The following TRPM5 variants were observed in gnomAD, a reference collection of about 807,000 sequenced individuals.
The protein encoded by TRPM5 is MLSN1 and TRP-related.
TRPM5 carries 121 observed loss-of-function variants against 124.9 expected under a neutral mutation model. The ratio of observed to expected loss-of-function variants is 0.97; its 90% confidence interval spans 0.84 to 1.13. The LOEUF is 1.13. TRPM5 is among the 50% of genes most tolerant of loss of function. The pLI, the probability that TRPM5 is intolerant of heterozygous loss-of-function variation, is 0.00. For missense variants in TRPM5, 1,643 were observed against 1,589.1 expected, an observed-to-expected ratio of 1.03 and a Z score of -0.58; for synonymous variants, 781 against 700.5, an observed-to-expected ratio of 1.11 and a Z score of -1.81.
intron 4 of TRPM5, among the ~76,000 whole-genome samples, chr11:2,419,329 C>T (rs547492276): frequency 6.6e-6 from 1 of 152,206 alleles, no homozygotes; most frequent in Non-Finnish European, 1.5e-5. Context: ...CTCAGTTGAC[C>T]GGGCACAGTG....
chr11:2,425,462 TTC>T (rs550956752), upstream of TRPM5, among the ~76,000 whole-genome samples: 14,894 of 152,186 alleles, frequency 0.098, 839 homozygotes, highest in South Asian at 0.17. Context: ...CCAGCGTGGC[TTC>T]ATCTTCATGG....
chr11:2,409,958 T>C (rs143506773), intron 18 of TRPM5, among the ~76,000 whole-genome samples: 1 of 152,142 alleles, frequency 6.6e-6, no homozygotes, highest in Admixed American at 6.5e-5. Flanking sequence ...TCGCTGAGAC[T>C]GGCCCACCAG....
chr11:2,435,243 C>T, the TRPM5 span, among the ~76,000 whole-genome samples: 26,451 of 152,012 alleles, frequency 0.17, 3,004 homozygotes, highest in African/African-American at 0.3. This position sits in a 1 kb window ranked among gnomAD's most constrained non-coding sequence, Gnocchi z 4.1. Context: ...GCAGGGGAGG[C>T]CCAGCGGCTG....
the TRPM5 span, among the ~76,000 whole-genome samples, chr11:2,434,567 G>T: frequency 2.1e-5 from 3 of 144,790 alleles, no homozygotes; most frequent in Non-Finnish European, 4.5e-5. Flanking sequence ...GTGTAGGTAC[G>T]CTGTGTCTGT....
intron 23 of TRPM5, 131 bp downstream of exon 28, chr11:2,405,396 C>A: frequency 1.0e-6 from 1 of 968,392 alleles, no homozygotes; most frequent in South Asian, 1.6e-5. Flanking sequence ...GAGCCGCGTC[C>A]AGCCAAGGCC....
chr11:2,421,702 T>C (rs1424717604), intron 2 of TRPM5, among the ~76,000 whole-genome samples: 1 of 152,224 alleles, frequency 6.6e-6, no homozygotes, highest in Admixed American at 6.5e-5. Flanking sequence ...CATTGGACTC[T>C]GGCCCCTGCA....
intron 10 of TRPM5, 23 bp from the exon 16 acceptor site, chr11:2,414,861 G>A: frequency 6.3e-7 from 1 of 1,589,640 alleles, no homozygotes; most frequent in Non-Finnish European, 8.6e-7. Flanking sequence ...GTCTCAGGAG[G>A]CCGCCCCTCC....
chr11:2,431,109 T>C, the TRPM5 span, among the ~76,000 whole-genome samples: 15 of 152,070 alleles, frequency 9.9e-5, no homozygotes, highest in Admixed American at 9.8e-4. Flanking sequence ...TGTCCCTTTG[T>C]CCCCTAGCAT....
In TRPM5 at chr11:2,421,023, G is replaced by T; in HGVS notation, c.465+9C>A. 3.9e-6 allele frequency: 6 copies of T among 1,535,898 alleles called. No individual in the cohort carries two copies. Among genetic ancestry groups the T allele is most frequent in the Non-Finnish European group, 3.5e-6 (4 of 1,144,248 alleles). On this transcript the variant is annotated intron_variant, in intron 3 of 23. Transcript: ENST00000155858. ...CCAGCGGTCGTGGTGCTGGGAGCTGGACGTGCACCTGGGCCTCCTCCAGAA... is the reference window on the plus strand; with the variant it reads ...CCAGCGGTCGTGGTGCTGGGAGCTGTACGTGCACCTGGGCCTCCTCCAGAA...
chr11:2,434,764 C>T, the TRPM5 span, among the ~76,000 whole-genome samples: 1 of 152,038 alleles, frequency 6.6e-6, no homozygotes, highest in Non-Finnish European at 1.5e-5. Context: ...AAGGCAGGCT[C>T]TGCAGGTGCA....
intron 18 of TRPM5, among the ~76,000 whole-genome samples, chr11:2,410,435 C>T (rs1850422477): frequency 1.3e-5 from 2 of 150,912 alleles, no homozygotes; most frequent in Non-Finnish European, 3.0e-5. Context: ...TGAGCAGTTT[C>T]CCTGCACCTT....
rs764973179 is a variant in TRPM5, at chr11:2,412,115, G to A, written c.2474+20C>T. On this transcript the variant is annotated intron_variant, in intron 16 of 23. Coordinates refer to ENST00000155858, the Ensembl canonical transcript of TRPM5. ...CCCACAAGCCGCCCTGAGGCCACACGGCCTCTGGGCCCCACAGACCTGCAG... is the reference window on the plus strand; with the variant it reads ...CCCACAAGCCGCCCTGAGGCCACACAGCCTCTGGGCCCCACAGACCTGCAG... 4 of 1,600,582 alleles carry A rather than the reference G, an allele frequency of 2.5e-6. No homozygotes were observed. In the South Asian group the frequency reaches 4.4e-5, roughly 18 times the overall value.
At chr11:2,417,816 G>A (rs771519550) in exon 7 of TRPM5, 2 of 1,579,346 alleles carry the variant, frequency 1.3e-6, no homozygotes, top group Non-Finnish European at 1.7e-6. Context: ...CTGGTGTGAG[G>A]TGATGTTCTG....
chr11:2,407,051 G>T, intron 20 of TRPM5, 68 bp downstream of exon 25: 1 of 1,456,118 alleles, frequency 6.9e-7, no homozygotes, highest in East Asian at 2.5e-5. Context: ...TGCCTCCAGC[G>T]CACAGCCCCG....
chr11:2,422,707 G>A (rs543884900), intron 1 of TRPM5, among the ~76,000 whole-genome samples: 1 of 152,004 alleles, frequency 6.6e-6, no homozygotes, highest in South Asian at 2.1e-4. Context: ...GGGACTTCAG[G>A]GGTCCCGGTT....
rs537372583 is a variant in TRPM5, at chr11:2,411,601, T to TCCAGGG, written c.2607+28_2607+33dup. 2.4e-3 allele frequency: 3,833 copies of TCCAGGG among 1,610,696 alleles called. 116 individuals carry two copies. In the South Asian group the frequency reaches 0.04, roughly 17 times the overall value. ...GGCCCAGGCAGGGGATTGCTGTCCC[T>TCCAGGG]CCAGGGCCAGGGCCAGGGCCCCCGG... On this transcript the variant is annotated intron_variant, in intron 17 of 23. Coordinates refer to ENST00000155858, the Ensembl canonical transcript of TRPM5.
At chr11:2,412,510 C>A (rs915475927) in intron 15 of TRPM5, among the ~76,000 whole-genome samples, 5 of 152,224 alleles carry the variant, frequency 3.3e-5, no homozygotes, top group African/African-American at 9.7e-5. Context: ...TGGACTCAGT[C>A]CGTGATACAG....
the TRPM5 span, among the ~76,000 whole-genome samples, chr11:2,438,004 C>G: frequency 8.5e-5 from 13 of 152,282 alleles, 1 homozygote; most frequent in South Asian, 2.7e-3. This position sits in a 1 kb window ranked among gnomAD's most constrained non-coding sequence, Gnocchi z 5.9. Flanking sequence ...GTCAAATAGA[C>G]TTCATTCCTG....
chr11:2,420,933 C>CTTCTGG, intron 3 of TRPM5, 99 bp downstream of exon 8: 1 of 1,319,978 alleles, frequency 7.6e-7, no homozygotes, highest in South Asian at 1.5e-5. Context: ...TCCTCCAGCT[C>CTTCTGG]GAGTCCTGTC....
Sources: allele counts gnomAD v4.1 joint callset (sites outside exome capture counted in the v4.1 genomes callset), GRCh38; gene constraint gnomAD v4.1.1; non-coding constraint Gnocchi (gnomAD v3.1); transcripts MANE v1.5; gene names NCBI Gene and HGNC (gene_info 2026-07-23, HGNC 2026-07-21).